Variants in MYT1L observed in about 807,000 individuals in gnomAD.
The protein encoded by MYT1L is myelin transcription factor 1 like.
Under a neutral mutation model 126.7 loss-of-function variants are expected in MYT1L, and 12 were observed. The ratio of observed to expected loss-of-function variants is 0.09; its 90% CI spans 0.06 to 0.15. MYT1L has a LOEUF of 0.15. Ranked by LOEUF, MYT1L falls within the 10% of genes least tolerant of loss-of-function variation. The pLI is 1.00. For synonymous variants in MYT1L, 541 were observed against 604.2 expected (o/e 0.90, Z 1.53); for missense variants, 979 against 1,585.2 (o/e 0.62, Z 6.49).
intron 8 of MYT1L, among the ~76,000 whole-genome samples, chr2:1,967,142 T>C (rs1008478124): frequency 1.3e-5 from 2 of 152,254 alleles, no homozygotes; most frequent in African/African-American, 4.8e-5. Context: ...AGTCCTCGCT[T>C]TAATCCTCAG....
At chr2:2,311,751 C>A (rs545596281) in intron 1 of MYT1L, among the ~76,000 whole-genome samples, 1 of 152,106 alleles carries the variant, frequency 6.6e-6, no homozygotes, top group African/African-American at 2.4e-5. Context: ...CTGTTCCCAC[C>A]CACGCCAGGC....
At chr2:2,040,592 T>C (rs772906539) in intron 4 of MYT1L, among the ~76,000 whole-genome samples, 3 of 152,202 alleles carry the variant, frequency 2.0e-5, no homozygotes, top group Non-Finnish European at 2.9e-5. Context: ...GTTATCCACA[T>C]TTTTAAGTTC....
At chr2:2,190,236 C>G (rs2092503998) in intron 2 of MYT1L, among the ~76,000 whole-genome samples, 1 of 152,162 alleles carries the variant, frequency 6.6e-6, no homozygotes, top group Admixed American at 6.5e-5. Context: ...GCAGGCAGAT[C>G]ACTTGAGCTC....
At chr2:2,322,261 C>T (rs1249370741) in intron 1 of MYT1L, among the ~76,000 whole-genome samples, 1 of 151,778 alleles carries the variant, frequency 6.6e-6, no homozygotes, top group Non-Finnish European at 1.5e-5. Flanking sequence ...AGACGCCCCA[C>T]ACTGTCCAAT....
intron 1 of MYT1L, among the ~76,000 whole-genome samples, chr2:2,299,041 ACAGGGTTTCACCATGTTAGC>A (rs769858036): frequency 1.2e-4 from 18 of 152,138 alleles, no homozygotes; most frequent in Non-Finnish European, 1.8e-4. Context: ...TTTAGTAGAG[ACAGGGTTTCACCATGTTAGC>A]CAGGATGGTC....
intron 21 of MYT1L, among the ~76,000 whole-genome samples, chr2:1,821,568 G>A (rs1300898943): frequency 6.6e-6 from 1 of 152,170 alleles, no homozygotes; most frequent in Admixed American, 6.5e-5. Context: ...CTTCCTCTGA[G>A]CTTCTTTTGC....
At chr2:2,311,520 C>T (rs979750782) in intron 1 of MYT1L, among the ~76,000 whole-genome samples, 6 of 152,162 alleles carry the variant, frequency 3.9e-5, no homozygotes, top group Non-Finnish European at 8.8e-5. Context: ...AAATGAAGCA[C>T]CGGAGGCTGT....
chr2:1,997,657 C>A (rs1405824224), intron 4 of MYT1L, among the ~76,000 whole-genome samples: 2 of 152,176 alleles, frequency 1.3e-5, no homozygotes, highest in East Asian at 3.9e-4. Context: ...CCATGAGCTC[C>A]CAGTTCCTGT....
chr2:2,180,563 CGTGT>C lies in MYT1L; in HGVS notation c.-420-7579_-420-7576del, dbSNP rs752239148. Among the ~76,000 whole-genome samples the C allele has an allele frequency of 2.1e-5, 3 of 143,494 alleles. No homozygotes were observed. The East Asian group carries it at 6.4e-4, about 31-fold the overall frequency. 94.1% of individuals were successfully genotyped at this position (143,494 alleles called of 152,430 possible). ...ACCTGTATCTGTACCTGTGTGGGCC[CGTGT>C]GTGTACCTGTGTGTGCGCCTATGTG... On this transcript the variant is annotated intron_variant, in intron 2 of 24. Coordinates refer to ENST00000647738, the MANE Select transcript of MYT1L (RefSeq NM_001303052.2).
chr2:1,931,011 T>C (rs111653991), intron 9 of MYT1L, among the ~76,000 whole-genome samples: 25 of 152,358 alleles, frequency 1.6e-4, no homozygotes, highest in South Asian at 4.1e-4. Context: ...ATTTTGCCAC[T>C]GTTTTTTCTG....
intron 4 of MYT1L, among the ~76,000 whole-genome samples, chr2:2,043,511 C>T (rs917146449): frequency 7.9e-5 from 12 of 152,148 alleles, no homozygotes; most frequent in Non-Finnish European, 1.5e-5. Context: ...GTGCTTTCTC[C>T]CCTGGGACAG....
At chr2:1,796,371 G>T (rs1225059617) in intron 23 of MYT1L, among the ~76,000 whole-genome samples, 1 of 152,196 alleles carries the variant, frequency 6.6e-6, no homozygotes, top group African/African-American at 2.4e-5. Context: ...AAGTGTCCTC[G>T]TGCAGGGAGG....
chr2:2,018,496 T>C (rs988164501), intron 4 of MYT1L, among the ~76,000 whole-genome samples: 15 of 152,198 alleles, frequency 9.9e-5, no homozygotes, highest in African/African-American at 2.7e-4. Flanking sequence ...CACTGGGTCA[T>C]GTGCTCCAGT....
intron 1 of MYT1L, among the ~76,000 whole-genome samples, chr2:2,327,546 C>A (rs749357984): frequency 6.6e-6 from 1 of 152,160 alleles, no homozygotes; most frequent in Non-Finnish European, 1.5e-5. Flanking sequence ...GCTCAAATTA[C>A]GCTATGGAGT....
intron 1 of MYT1L, among the ~76,000 whole-genome samples, chr2:2,317,973 A>G (rs1295790124): frequency 1.3e-5 from 2 of 152,194 alleles, no homozygotes; most frequent in East Asian, 3.9e-4. Context: ...AGGAAGGGAA[A>G]GAGACTCGAT....
chr2:1,803,629 T>C (rs1372957918), intron 22 of MYT1L, among the ~76,000 whole-genome samples: 9 of 152,136 alleles, frequency 5.9e-5, no homozygotes. Context: ...GATGGGTGGA[T>C]ATTACTTCCA....
chr2:2,274,887 A>G (rs2095328095), intron 2 of MYT1L, among the ~76,000 whole-genome samples: 1 of 152,160 alleles, frequency 6.6e-6, no homozygotes, highest in Admixed American at 6.5e-5. Flanking sequence ...GGCTCATTCC[A>G]TAAGACCCCG....
Position 1,922,824 on chromosome 2 carries a change from C to T in MYT1L, c.945G>A (p.Val315=), listed in dbSNP as rs755585397. Reference sequence around the variant, plus strand: ...GACACACCTCCTCATCGCTCTCCTCCACCATCTTTTCCATGAGTCCGTTGT... The same window carrying T: ...GACACACCTCCTCATCGCTCTCCTCTACCATCTTTTCCATGAGTCCGTTGT... ...PMNNGLMEKM[V]EESDEEVCLS... is the part of the protein sequence containing the mutation. Residue 315 remains valine, a synonymous_variant, in exon 10 of 25, where the codon GTG becomes GTA. Coordinates refer to ENST00000647738, the MANE Select transcript of MYT1L (RefSeq NM_001303052.2). The surrounding 1 kb of genome is among the most constrained non-coding windows in gnomAD (Gnocchi z 7.4). 2 of 1,614,018 alleles carry T rather than the reference C, an allele frequency of 1.2e-6. No homozygotes were observed. Among genetic ancestry groups the T allele is most frequent in the East Asian group, 2.2e-5 (1 of 44,878 alleles).
chr2:1,900,537 G>C, intron 14 of MYT1L, among the ~76,000 whole-genome samples: 1 of 152,098 alleles, frequency 6.6e-6, no homozygotes, highest in East Asian at 1.9e-4. Context: ...CTGACCTCGT[G>C]ATCCGCCCAC....
Sources: allele counts gnomAD v4.1 joint callset (sites outside exome capture counted in the v4.1 genomes callset), GRCh38; gene constraint gnomAD v4.1.1; non-coding constraint Gnocchi (gnomAD v3.1); transcripts MANE v1.5; gene names NCBI Gene and HGNC (gene_info 2026-07-23, HGNC 2026-07-21).